Variants in CCDC73 observed in about 807,000 individuals in gnomAD.
CCDC73 encodes coiled-coil domain-containing protein 73.
A neutral mutation model predicts 116.5 loss-of-function variants in CCDC73; 95 were observed. The ratio of observed to expected loss-of-function variants is 0.82; its 90% CI spans 0.69 to 0.97. The LOEUF (loss-of-function observed/expected upper bound fraction) is 0.97, where lower values mean the gene tolerates loss of function less well. Ranked by LOEUF, CCDC73 falls within the 50% of genes least tolerant of loss-of-function variation. The probability of loss-of-function intolerance (pLI) is 0.00; values close to 1 mark genes in which losing one functional copy is unlikely to be tolerated. For synonymous variants in CCDC73, 398 were observed against 401.3 expected, an observed-to-expected ratio of 0.99 and a Z score of 0.10; for missense variants, 1,066 against 1,206.8, an observed-to-expected ratio of 0.88 and a Z score of 1.73.
At chr11:32,752,785 T>C (rs1316542200) in intron 2 of CCDC73, among the ~76,000 whole-genome samples, 2 of 152,234 alleles carry the variant, frequency 1.3e-5, no homozygotes, top group Non-Finnish European at 2.9e-5. Context: ...TTGTTTTGCA[T>C]GTTGCAAATA....
chr11:32,787,517 G>C (rs1014873139), intron 1 of CCDC73, among the ~76,000 whole-genome samples: 9 of 152,004 alleles, frequency 5.9e-5, no homozygotes, highest in African/African-American at 1.9e-4. Context: ...AAATTATTTG[G>C]TAAAGAACCA....
intron 3 of CCDC73, among the ~76,000 whole-genome samples, chr11:32,709,591 C>T (rs1193045857): frequency 6.6e-6 from 1 of 152,148 alleles, no homozygotes; most frequent in East Asian, 1.9e-4. Context: ...CCACCATGCA[C>T]AGCCTGCTGT....
intron 6 of CCDC73, among the ~76,000 whole-genome samples, chr11:32,695,111 G>A (rs1017344707): frequency 6.6e-6 from 1 of 152,188 alleles, no homozygotes; most frequent in Admixed American, 6.5e-5. Flanking sequence ...GCTCACGCCT[G>A]TAATCCCAGC....
intron 14 of CCDC73, among the ~76,000 whole-genome samples, chr11:32,626,085 C>T (rs1362029201): frequency 4.0e-5 from 6 of 150,844 alleles, no homozygotes; most frequent in South Asian, 2.1e-4. Context: ...AAAACCCCAT[C>T]GTCTCAGCCC....
chr11:32,699,168 G>A, intron 6 of CCDC73, 83 bp downstream of exon 6: 1 of 1,384,220 alleles, frequency 7.2e-7, no homozygotes. Flanking sequence ...GCTTTGCTTT[G>A]TAGCTTACAT....
chr11:32,629,761 A>C (rs1192594755), intron 14 of CCDC73, among the ~76,000 whole-genome samples: 1 of 108,174 alleles, frequency 9.2e-6, no homozygotes, highest in Non-Finnish European at 2.0e-5. Flanking sequence ...TGCCAGAAGC[A>C]ATGCAAGCCA....
At chr11:32,733,888 A>C (rs1370928843) in intron 2 of CCDC73, among the ~76,000 whole-genome samples, 1 of 152,214 alleles carries the variant, frequency 6.6e-6, no homozygotes, top group African/African-American at 2.4e-5. Context: ...ACACATTCCA[A>C]AGGCAGCAGA....
At chr11:32,730,404 C>T (rs2133344179) in intron 2 of CCDC73, among the ~76,000 whole-genome samples, 1 of 152,282 alleles carries the variant, frequency 6.6e-6, no homozygotes, top group East Asian at 1.9e-4. Context: ...ATTCACACCT[C>T]CTCCATTTTT....
At chr11:32,674,446 G>A (rs1856066117) in intron 9 of CCDC73, among the ~76,000 whole-genome samples, 4 of 152,236 alleles carry the variant, frequency 2.6e-5, no homozygotes, top group Admixed American at 2.6e-4. Flanking sequence ...AATATTTTTA[G>A]TTGCAAATCA....
At chr11:32,748,350 C>T (rs930836174) in intron 2 of CCDC73, among the ~76,000 whole-genome samples, 1 of 152,014 alleles carries the variant, frequency 6.6e-6, no homozygotes, top group Non-Finnish European at 1.5e-5. Context: ...TATCTTTAAC[C>T]CATTATTTTA....
At chr11:32,656,072 T>C (rs376007713) in intron 9 of CCDC73, among the ~76,000 whole-genome samples, 84 of 124,810 alleles carry the variant, frequency 6.7e-4, no homozygotes, top group African/African-American at 2.5e-3. Context: ...AGTTTTTCTT[T>C]TCTTTTCTTT....
At chr11:32,746,081 G>T (rs1421282840) in intron 2 of CCDC73, among the ~76,000 whole-genome samples, 5 of 152,158 alleles carry the variant, frequency 3.3e-5, no homozygotes, top group Non-Finnish European at 7.4e-5. Context: ...TCCTTTCTAT[G>T]TTTAGTGCTT....
intron 1 of CCDC73, among the ~76,000 whole-genome samples, chr11:32,776,936 A>ATATATATATATATATATATAT (rs1554970184): frequency 2.7e-5 from 1 of 36,462 alleles, no homozygotes; most frequent in South Asian, 7.1e-4. Flanking sequence ...AAAAAAAAAA[A>ATATATATATATATATATATAT]ATATATATAT....
chr11:32,784,387 A>T (rs1850609384), intron 1 of CCDC73, among the ~76,000 whole-genome samples: 3 of 152,190 alleles, frequency 2.0e-5, no homozygotes, highest in Admixed American at 1.3e-4. Flanking sequence ...GTAAGGAAAA[A>T]TAATCACAGA....
intron 9 of CCDC73, among the ~76,000 whole-genome samples, chr11:32,655,204 G>C (rs1215657373): frequency 3.4e-5 from 5 of 148,916 alleles, no homozygotes; most frequent in Non-Finnish European, 7.5e-5. Context: ...ATCTTAAAAG[G>C]AGTGTACTAA....
chr11:32,762,152 A>G (rs1850397607), intron 1 of CCDC73, among the ~76,000 whole-genome samples: 1 of 152,246 alleles, frequency 6.6e-6, no homozygotes. Flanking sequence ...GTGTGCCTGA[A>G]AGAAACTTTC....
At chr11:32,605,612 T>C (rs960668085) in intron 17 of CCDC73, 1 of 151,980 alleles carries the variant, frequency 6.6e-6, no homozygotes, top group African/African-American at 2.4e-5. Context: ...TTTATCTTGA[T>C]GATGGAAAGG....
chr11:32,734,394 A>C (rs1419196375), intron 2 of CCDC73, among the ~76,000 whole-genome samples: 2 of 151,770 alleles, frequency 1.3e-5, no homozygotes, highest in Non-Finnish European at 2.9e-5. Flanking sequence ...CAATAGAAAA[A>C]GAGGGAATCC....
chr11:32,770,203 C>T (rs1850480378), intron 1 of CCDC73, among the ~76,000 whole-genome samples: 1 of 152,174 alleles, frequency 6.6e-6, no homozygotes, highest in Non-Finnish European at 1.5e-5. Flanking sequence ...ACATGGTTTT[C>T]ACCCCAGACT....
Sources: gnomAD v4.1 joint callset for allele counts (sites outside exome capture counted in the v4.1 genomes callset) on GRCh38, gnomAD v4.1.1 for gene constraint, MANE v1.5 for transcripts, NCBI Gene and HGNC (gene_info 2026-07-23, HGNC 2026-07-21) for gene names.